OCLN: variants seen among roughly 807,000 people sequenced by gnomAD.
OCLN encodes phosphatase 1, regulatory subunit 115.
In OCLN, 21 loss-of-function variants were observed where a neutral mutation model predicts 47.9. The ratio of observed to expected loss-of-function variants is 0.44; its 90% CI spans 0.31 to 0.63. OCLN has a LOEUF of 0.63. Ranked by LOEUF, OCLN falls within the 30% of genes least tolerant of loss-of-function variation. The pLI is 0.08. For synonymous variants in OCLN, 117 were observed against 198.4 expected (o/e 0.59, Z 3.45); for missense variants, 360 against 571.0 (o/e 0.63, Z 3.77).
Position 69,523,281 on chromosome 5 carries a change from T to C in OCLN, c.891+9172T>C, listed in dbSNP as rs115238255. Among the ~76,000 whole-genome samples the C allele has an allele frequency of 2.0e-3, 301 of 152,278 alleles. 1 individual carries two copies. Among genetic ancestry groups the C allele is most frequent in the African/African-American group, 7.1e-3 (297 of 41,578 alleles). ...AGTTGAGTCTTTTGATTATTCTTCC[T>C]TTTTTGAACACATTTTGGCCAGCAT... On this transcript the variant is annotated intron_variant, in intron 4 of 8. Coordinates refer to ENST00000396442, the MANE Select transcript of OCLN (RefSeq NM_001205254.2).
At chr5:69,553,441 A>G in intron 8 of OCLN, 129 bp from the exon 9 acceptor site, 1 of 928,926 alleles carries the variant, frequency 1.1e-6, no homozygotes, top group Non-Finnish European at 1.6e-6. Context: ...CACCTTGCGT[A>G]TTTTACTTCA....
rs532638741 is a variant in OCLN, at chr5:69,522,735, T to A, written c.891+8626T>A. Among the ~76,000 whole-genome samples, 6 of 152,072 alleles carry A rather than the reference T, an allele frequency of 3.9e-5. No homozygotes were observed. The South Asian group carries it at 1.0e-3, about 26-fold the overall frequency. On this transcript the variant is annotated intron_variant, in intron 4 of 8. Transcript: ENST00000396442. ...CGGCACTCAGTTTTCCCTTTTATTT[T>A]TTTTTTTCTTGAGGCAAGGTCTCAC...
At chr5:69,516,466 C>A (rs1005894669) in intron 4 of OCLN, among the ~76,000 whole-genome samples, 2 of 151,870 alleles carry the variant, frequency 1.3e-5, no homozygotes, top group African/African-American at 4.8e-5. Flanking sequence ...AGCTTCGGCT[C>A]GGCATCAGTG....
chr5:69,529,205 A>G (rs1025807535), intron 4 of OCLN, among the ~76,000 whole-genome samples: 4 of 152,144 alleles, frequency 2.6e-5, no homozygotes, highest in East Asian at 1.9e-4. Context: ...CACGGTAGGT[A>G]TTTGGAGAAG....
chr5:69,537,189 C>CTTTTTTTTTT (rs1157355945), intron 5 of OCLN, among the ~76,000 whole-genome samples: 1 of 80,562 alleles, frequency 1.2e-5, no homozygotes, highest in Non-Finnish European at 2.4e-5. Context: ...ATTCTATAAG[C>CTTTTTTTTTT]TTTTTTTTTT....
rs1295563864 is a variant in OCLN, at chr5:69,493,914, C to T, written c.-69+1014C>T. Among the ~76,000 whole-genome samples, 1 of 152,340 alleles carries T rather than the reference C, an allele frequency of 6.6e-6. No individual in the cohort carries two copies. The highest frequency in any genetic ancestry group is 6.5e-5 in the Admixed American group (1 of 15,308). ...GAAGCCACCGGGCCCGAGGGAAAAG[C>T]CGCGGCATCCTTAGGCCGGACCCGG... On this transcript the variant is annotated intron_variant, in intron 1 of 8. Coordinates refer to ENST00000396442, the MANE Select transcript of OCLN (RefSeq NM_001205254.2). This position sits in a 1 kb window ranked among gnomAD's most constrained non-coding sequence, Gnocchi z 5.3.
intron 1 of OCLN, among the ~76,000 whole-genome samples, chr5:69,500,131 T>A (rs1199089106): frequency 6.6e-6 from 1 of 152,206 alleles, no homozygotes; most frequent in African/African-American, 2.4e-5. Flanking sequence ...TAAGCGTGTC[T>A]CCTCCACTTT....
intron 1 of OCLN, among the ~76,000 whole-genome samples, chr5:69,499,613 T>C (rs2111939075): frequency 6.6e-6 from 1 of 151,726 alleles, no homozygotes; most frequent in East Asian, 1.9e-4. Flanking sequence ...TGAGCCGGAG[T>C]CTCGCTCCGT....
chr5:69,511,231 C>T (rs1000858125), intron 3 of OCLN, among the ~76,000 whole-genome samples: 15 of 140,858 alleles, frequency 1.1e-4, no homozygotes, highest in Non-Finnish European at 1.9e-4. Flanking sequence ...CCGGCCACCA[C>T]GCCCAGCTAA....
At chr5:69,500,527 A>G (rs1016001153) in intron 1 of OCLN, among the ~76,000 whole-genome samples, 2 of 151,774 alleles carry the variant, frequency 1.3e-5, no homozygotes, top group Non-Finnish European at 2.9e-5. Flanking sequence ...CAGCCTCCCA[A>G]GTAGCTGGGT....
chr5:69,533,026 T>C (rs1208045906), intron 4 of OCLN, among the ~76,000 whole-genome samples: 4 of 148,858 alleles, frequency 2.7e-5, no homozygotes, highest in African/African-American at 7.4e-5. Context: ...TGTGTGTGTA[T>C]ACACACACAC....
chr5:69,513,203 G>C (rs1477917622), intron 3 of OCLN, among the ~76,000 whole-genome samples: 3 of 152,140 alleles, frequency 2.0e-5, no homozygotes, highest in Admixed American at 2.0e-4. Context: ...CAGGGTAGAG[G>C]CCTGATATTT....
At chr5:69,537,389 A>AT (rs1336472699) in intron 5 of OCLN, among the ~76,000 whole-genome samples, 1 of 27,104 alleles carries the variant, frequency 3.7e-5, no homozygotes, top group Admixed American at 5.1e-4. Flanking sequence ...ATGCCCAGCT[A>AT]TTTTTTTCTA....
chr5:69,496,123 CAG>C (rs1027630074), intron 1 of OCLN, among the ~76,000 whole-genome samples: 2 of 145,744 alleles, frequency 1.4e-5, no homozygotes, highest in African/African-American at 2.6e-5. Context: ...TTTTTTGAGA[CAG>C]AGTCTCGCTG....
intron 6 of OCLN, among the ~76,000 whole-genome samples, 182 bp from the exon 7 acceptor site, chr5:69,547,746 AAT>A (rs764917183): frequency 2.0e-5 from 3 of 149,698 alleles, no homozygotes; most frequent in Non-Finnish European, 3.0e-5. Flanking sequence ...AATGAGCAGT[AAT>A]ATATAGTCAC....
intron 3 of OCLN, among the ~76,000 whole-genome samples, chr5:69,512,363 C>T (rs776584167): frequency 6.6e-6 from 1 of 152,180 alleles, no homozygotes; most frequent in Non-Finnish European, 1.5e-5. Flanking sequence ...ATGAATTGAT[C>T]ATAAATGTGG....
chr5:69,503,291 G>T (rs1768510695), intron 1 of OCLN, among the ~76,000 whole-genome samples: 1 of 152,156 alleles, frequency 6.6e-6, no homozygotes, highest in Non-Finnish European at 1.5e-5. Context: ...CCCTTGCCGA[G>T]AATCACGAAC....
chr5:69,496,714 T>C (rs61705994), intron 1 of OCLN, among the ~76,000 whole-genome samples: 14,108 of 152,050 alleles, frequency 0.093, 1,950 homozygotes, highest in African/African-American at 0.3. Context: ...CCTCAGCCTG[T>C]TTTTTTCATC....
intron 2 of OCLN, among the ~76,000 whole-genome samples, chr5:69,508,081 C>A (rs1768657239): frequency 1.3e-5 from 2 of 152,128 alleles, no homozygotes; most frequent in South Asian, 4.1e-4. Context: ...GTCACCCAGG[C>A]TGGAGTGCAG....
Sources: allele counts gnomAD v4.1 joint callset (sites outside exome capture counted in the v4.1 genomes callset), GRCh38; gene constraint gnomAD v4.1.1; non-coding constraint Gnocchi (gnomAD v3.1); transcripts MANE v1.5; gene names NCBI Gene and HGNC (gene_info 2026-07-23, HGNC 2026-07-21).